DNHD1: variants seen among roughly 807,000 people sequenced by gnomAD.
DNHD1 encodes the protein dynein heavy chain domain-containing protein 1.
A neutral mutation model predicts 458.1 loss-of-function variants in DNHD1; 383 were observed. The observed-to-expected ratio is 0.84, with a 90% CI of 0.77 to 0.91. The LOEUF (loss-of-function observed/expected upper bound fraction) is 0.91. Ranked by LOEUF, DNHD1 falls within the 40% of genes least tolerant of loss-of-function variation. The pLI is 0.00. For missense variants in DNHD1, 5,336 were observed against 5,866.1 expected (o/e 0.91, Z 2.95); for synonymous variants, 2,203 against 2,376.9 (o/e 0.93, Z 2.13).
chr11:6,563,215 G>A, intron 29 of DNHD1, 84 bp downstream of exon 29: 1 of 1,542,876 alleles, frequency 6.5e-7, no homozygotes, highest in Non-Finnish European at 8.8e-7. Flanking sequence ...GGAGAGGATG[G>A]AGTGACTCAT....
At chr11:6,542,639 C>T (rs1853120799) in intron 18 of DNHD1, among the ~76,000 whole-genome samples, 1 of 152,206 alleles carries the variant, frequency 6.6e-6, no homozygotes, top group African/African-American at 2.4e-5. Flanking sequence ...TGGCCACACA[C>T]CATGAAGCTG....
intron 28 of DNHD1, among the ~76,000 whole-genome samples, chr11:6,560,044 C>T (rs1157811658): frequency 6.6e-6 from 1 of 152,204 alleles, no homozygotes; most frequent in African/African-American, 2.4e-5. Flanking sequence ...TAGGGCTTAT[C>T]ACACCTTCTA....
At chr11:6,553,798 G>T (rs1277576666) in intron 24 of DNHD1, among the ~76,000 whole-genome samples, 7 of 152,072 alleles carry the variant, frequency 4.6e-5, no homozygotes, top group Non-Finnish European at 1.0e-4. Context: ...AAGCATTCAA[G>T]ATCTGTACAC....
In DNHD1 at chr11:6,498,295, G is replaced by T. The variant is rs531263685; in HGVS notation, c.80G>T (p.Cys27Phe). ...SDSLKSWHSI[C>F]VLDSKEQPLA... ...TCCCTTAAGTCTTGGCACTCCATAT[G>T]TGTCTTGGACAGCAAAGAACAGCCC... The change falls in exon 3 of 43, where the codon TGT (cysteine) becomes TTT (phenylalanine). Residue 27 changes from cysteine (C) to phenylalanine (F), a missense_variant. Cys to Phe is a radical substitution (Grantham distance 205). Coordinates refer to ENST00000254579, the MANE Select transcript of DNHD1 (RefSeq NM_144666.3). 1 of 1,614,242 alleles carries T rather than the reference G, an allele frequency of 6.2e-7. No individual in the cohort carries two copies. The highest frequency in any genetic ancestry group is 2.2e-5 in the East Asian group (1 of 44,888).
intron 12 of DNHD1, among the ~76,000 whole-genome samples, chr11:6,530,805 T>C (rs1852812978): frequency 6.7e-6 from 1 of 148,428 alleles, no homozygotes; most frequent in Non-Finnish European, 1.5e-5. Flanking sequence ...GTCTTCTCTC[T>C]GGCCGTGTTT....
intron 7 of DNHD1, among the ~76,000 whole-genome samples, chr11:6,516,113 T>C (rs951047723): frequency 6.6e-6 from 1 of 151,848 alleles, no homozygotes; most frequent in African/African-American, 2.4e-5. Flanking sequence ...TTAACCTCCA[T>C]TGTCTTTCAG....
At position 6,557,683 on chromosome 11, in the gene DNHD1, G is replaced by A. The variant is rs1169528793; in HGVS notation, c.8388G>A (p.Gln2796=). ...SFKTWWQKKP[Q]MDLISPLLLP... Reference sequence around the variant, plus strand: ...AGACTTGGTGGCAGAAGAAACCCCAGATGGACCTGATCTCACCCTTGTTGT... The same window carrying A: ...AGACTTGGTGGCAGAAGAAACCCCAAATGGACCTGATCTCACCCTTGTTGT... The change falls in exon 25 of 43, where the codon CAG becomes CAA. Residue 2796 remains glutamine (Q), a synonymous_variant. Coordinates refer to ENST00000254579, the MANE Select transcript of DNHD1 (RefSeq NM_144666.3). The A allele has an allele frequency of 1.9e-6, 3 of 1,551,592 alleles. No individual in the cohort carries two copies. Among genetic ancestry groups the A allele is most frequent in the African/African-American group, 1.4e-5 (1 of 73,030 alleles).
At position 6,567,763 on chromosome 11, in the gene DNHD1, C is replaced by G; in HGVS notation, c.12254C>G (p.Thr4085Ser). 1.2e-6 allele frequency: 2 copies of G among 1,613,998 alleles called. No homozygotes were observed. Among genetic ancestry groups the G allele is most frequent in the Non-Finnish European group, 1.7e-6 (2 of 1,179,910 alleles). ...ATGCCCTTTAAACATAGTCAGGCTA[C>G]TCAGCCCATGCTGATCTTGTTGCCA... ...PTMPFKHSQA[T>S]QPMLILLPPP... The change falls in exon 36 of 43, where the codon ACT becomes AGT. Residue 4085 changes from threonine (T) to serine (S), a missense_variant. By Grantham distance (58) the Thr-to-Ser change is moderately conservative. This residue lies in a region of DNHD1 where 695 missense variants were observed against 804.2 expected (regional missense o/e 0.86). Transcript: ENST00000254579.
chr11:6,566,608 A>T lies in DNHD1; in HGVS notation c.11228A>T (p.Lys3743Met). ...MEKVLGCELLKGLNVLDLGLN... is the reference protein window; with the variant it reads ...MEKVLGCELLMGLNVLDLGLN... Reference sequence around the variant, plus strand: ...CAAGTGCTAGGTTGTGAACTGCTAAAGGGGCTGAATGTGTTGGATCTGGGC... The same window carrying T: ...CAAGTGCTAGGTTGTGAACTGCTAATGGGGCTGAATGTGTTGGATCTGGGC... Residue 3743 changes from lysine to methionine, a missense_variant, in exon 35 of 43, where the codon AAG becomes ATG. Around this residue, in one of 4 missense-constraint regions of DNHD1, gnomAD observed 695 missense variants for 804.2 expected, o/e 0.86. Transcript: ENST00000254579. 1 of 1,613,816 alleles carries T rather than the reference A, an allele frequency of 6.2e-7. No homozygotes were observed. Among genetic ancestry groups the T allele is most frequent in the Non-Finnish European group, 8.5e-7 (1 of 1,179,830 alleles).
intron 26 of DNHD1, 97 bp downstream of exon 26, chr11:6,558,790 A>G: frequency 6.7e-7 from 1 of 1,500,432 alleles, no homozygotes; most frequent in Non-Finnish European, 9.0e-7. Flanking sequence ...TCTAGAGCCT[A>G]CAGAGCCCCC....
chr11:6,511,437 G>C lies in DNHD1; in HGVS notation c.1392+8G>C, dbSNP rs779651051. On this transcript the variant is annotated splice_region_variant and intron_variant, in intron 7 of 42. Coordinates refer to ENST00000254579, the MANE Select transcript of DNHD1 (RefSeq NM_144666.3). The stretch of plus-strand genomic sequence containing the variant: ...ACATCCATTCTTCGACTGGTAAGAG[G>C]CTCTTAGTTTATTGTGGACCTCTTC... 5.0e-6 allele frequency: 8 copies of C among 1,613,324 alleles called. No individual in the cohort carries two copies. The South Asian group carries it at 8.8e-5, about 18-fold the overall frequency.
In DNHD1 at chr11:6,564,824, G is replaced by A. The variant is rs1441398648; in HGVS notation, c.10756+20G>A. 6.8e-7 allele frequency: 1 copy of A among 1,479,014 alleles called. No homozygotes were observed. Among genetic ancestry groups the A allele is most frequent in the Non-Finnish European group, 9.1e-7 (1 of 1,104,276 alleles). The allele number at this position is 1,479,014 out of a possible 1,614,324, so 91.6% of individuals were successfully genotyped here. A position where few individuals can be genotyped will look rare whatever the true frequency, so the allele number is the denominator to read the frequency against. On this transcript the variant is annotated intron_variant, in intron 32 of 42. Coordinates refer to ENST00000254579, the MANE Select transcript of DNHD1 (RefSeq NM_144666.3). ...GTAGAGGTAAGCAGGCATAATAAAT[G>A]CAATGCTTCCGGAGTATCTGAACTG...
At chr11:6,527,997 G>C (rs1299210506) in intron 10 of DNHD1, among the ~76,000 whole-genome samples, 3 of 152,096 alleles carry the variant, frequency 2.0e-5, no homozygotes, top group Non-Finnish European at 4.4e-5. Context: ...TCCCAGACTC[G>C]CCTGCAGCTA....
chr11:6,558,165 TCCTGGCCCTGGCAA>T lies in DNHD1; in HGVS notation c.8874_8887del (p.Ala2959ArgfsTer56), dbSNP rs1853509622. Reference sequence around the variant, plus strand: ...GTGGATCTCACTACACTTCATCGCCTCCTGGCCCTGGCAACCTCAGGCAGTTTCCCTGGCCAGTA... The same window carrying T: ...GTGGATCTCACTACACTTCATCGCCTCCTCAGGCAGTTTCCCTGGCCAGTA... On this transcript the variant is annotated frameshift_variant, in exon 25 of 43. Coordinates refer to ENST00000254579, the MANE Select transcript of DNHD1 (RefSeq NM_144666.3). LOFTEE classifies it high-confidence loss of function. 2 of 1,551,528 alleles carry T rather than the reference TCCTGGCCCTGGCAA, an allele frequency of 1.3e-6. No individual in the cohort carries two copies. The highest frequency in any genetic ancestry group is 8.7e-7 in the Non-Finnish European group (1 of 1,146,964).
Position 6,565,795 on chromosome 11 carries a change from A to G in DNHD1, c.10857A>G (p.Lys3619=). 1 of 1,551,740 alleles carries G rather than the reference A, an allele frequency of 6.4e-7. No homozygotes were observed. Among genetic ancestry groups the G allele is most frequent in the Non-Finnish European group, 8.7e-7 (1 of 1,147,008 alleles). ...EESNEAEDQT[K]EQKAEERKNE... ...GTAATGAGGCTGAGGACCAGACAAAAGAGCAGAAGGCAGAGGAAAGAAAAA... is the reference window on the plus strand; with the variant it reads ...GTAATGAGGCTGAGGACCAGACAAAGGAGCAGAAGGCAGAGGAAAGAAAAA... The change falls in exon 33 of 43, where the codon AAA becomes AAG. Residue 3619 remains lysine, a synonymous_variant. Coordinates refer to ENST00000254579, the MANE Select transcript of DNHD1 (RefSeq NM_144666.3).
At chr11:6,551,943 A>C (rs1256180638) in intron 24 of DNHD1, among the ~76,000 whole-genome samples, 1 of 138,660 alleles carries the variant, frequency 7.2e-6, no homozygotes, top group African/African-American at 2.9e-5. Flanking sequence ...TCCGTCTCCA[A>C]AAAAAAAAAG....
rs1460579676 is a variant in DNHD1, at chr11:6,498,518, C to T, written c.303C>T (p.His101=). Residue 101 remains histidine (H), a synonymous_variant, in exon 3 of 43, where the codon CAC becomes CAT. Coordinates refer to ENST00000254579, the MANE Select transcript of DNHD1 (RefSeq NM_144666.3). ...CATATCGTGAGTTGCTAGTTGGCCA[C>T]CTTGATTTGCTGCCCTTCCTGGAGC... ...LPPYRELLVG[H]LDLLPFLEQL... The T allele has an allele frequency of 2.5e-6, 4 of 1,614,114 alleles. No individual in the cohort carries two copies. The highest frequency in any genetic ancestry group is 1.7e-5 in the Admixed American group (1 of 60,010).
chr11:6,564,161 C>CCA (rs1037714573), intron 31 of DNHD1, 37 bp downstream of exon 31: 111 of 1,537,286 alleles, frequency 7.2e-5, no homozygotes, highest in Non-Finnish European at 9.1e-5. Flanking sequence ...CCCCAAAGTT[C>CCA]CTTTTATGCC....
At position 6,548,846 on chromosome 11, in the gene DNHD1, A is replaced by G. The variant is rs1243307798; in HGVS notation, c.7300A>G (p.Thr2434Ala). 6.4e-7 allele frequency: 1 copy of G among 1,551,624 alleles called. No homozygotes were observed. The highest frequency in any genetic ancestry group is 8.7e-7 in the Non-Finnish European group (1 of 1,146,968). Reference sequence around the variant, plus strand: ...GCTGAGCAGAGGAATCCAGGGCCAAACACAAGCCAGCCCACAGCCTGGGCA... The same window carrying G: ...GCTGAGCAGAGGAATCCAGGGCCAAGCACAAGCCAGCCCACAGCCTGGGCA... ...LLLSRGIQGQ[T>A]QASPQPGHHQ... Residue 2434 changes from threonine to alanine, a missense_variant, in exon 24 of 43, where the codon ACA (threonine) becomes GCA (alanine). Transcript: ENST00000254579. This position sits in a 1 kb window ranked among gnomAD's most constrained non-coding sequence, Gnocchi z 4.4.
Sources: gnomAD v4.1 joint callset for allele counts (sites outside exome capture counted in the v4.1 genomes callset) on GRCh38, gnomAD v4.1.1 for gene constraint, gnomAD v4.1.1 regional missense constraint, Gnocchi (gnomAD v3.1) non-coding constraint, MANE v1.5 for transcripts, NCBI Gene and HGNC (gene_info 2026-07-23, HGNC 2026-07-21) for gene names.